NR2F1-AS1: variants seen among roughly 807,000 people sequenced by gnomAD.
NR2F1-AS1 encodes the protein NR2F1 regulatory antisense RNA 1, also known as NR2F1 antisense RNA 1.
rs115719551 is a variant in NR2F1-AS1, at chr5:93,444,485, G to C, written n.639-48943C>G. 2.1e-3 allele frequency among the ~76,000 whole-genome samples: 312 copies of C among 152,166 alleles called. 2 individuals carry two copies. The highest frequency in any genetic ancestry group is 7.1e-3 in the African/African-American group (294 of 41,538). ...TATATAATTGTAAAGGGATCAATTC[G>C]ACAAGAAGCGCTAACTATCCTAAAT... On this transcript the variant is annotated intron_variant and non_coding_transcript_variant, in intron 4 of 5. Coordinates refer to ENST00000660523, the Ensembl canonical transcript of NR2F1-AS1.
intron 4 of NR2F1-AS1, among the ~76,000 whole-genome samples, chr5:93,497,503 A>G (rs1393630805): frequency 6.6e-6 from 1 of 152,188 alleles, no homozygotes; most frequent in Non-Finnish European, 1.5e-5. Flanking sequence ...GGTAAATTCA[A>G]TTAGATGGAA....
At chr5:93,526,859 A>G (rs937730702) in intron 4 of NR2F1-AS1, among the ~76,000 whole-genome samples, 3 of 152,170 alleles carry the variant, frequency 2.0e-5, no homozygotes, top group African/African-American at 7.2e-5. Flanking sequence ...AAATAATAAG[A>G]GCTATTTATA....
intron 4 of NR2F1-AS1, among the ~76,000 whole-genome samples, chr5:93,412,506 G>A (rs1184822413): frequency 2.0e-5 from 3 of 152,188 alleles, no homozygotes; most frequent in Non-Finnish European, 4.4e-5. Context: ...TTCTATATTT[G>A]ACCACAAATG....
chr5:93,546,047 C>T (rs1029124836), intron 4 of NR2F1-AS1, among the ~76,000 whole-genome samples: 1 of 152,178 alleles, frequency 6.6e-6, no homozygotes, highest in Non-Finnish European at 1.5e-5. Flanking sequence ...GTTCCTGCTC[C>T]TTCACTTAGT....
At chr5:93,486,456 C>T (rs1004141893) in intron 4 of NR2F1-AS1, among the ~76,000 whole-genome samples, 4 of 152,010 alleles carry the variant, frequency 2.6e-5, no homozygotes, top group African/African-American at 9.7e-5. Flanking sequence ...TCAGAGAATA[C>T]TATAAACACC....
intron 4 of NR2F1-AS1, among the ~76,000 whole-genome samples, chr5:93,470,036 A>AT (rs1226111265): frequency 1.3e-5 from 2 of 152,090 alleles, no homozygotes; most frequent in African/African-American, 4.8e-5. Context: ...ATCTTCCAAA[A>AT]GCATTCATAT....
At chr5:93,544,851 CG>C (rs1432591779) in intron 4 of NR2F1-AS1, 1 of 137,664 alleles carries the variant, frequency 7.3e-6, no homozygotes, top group African/African-American at 2.7e-5. Flanking sequence ...ACCCGGGAGG[CG>C]GATGTTGCGC....
At chr5:93,577,646 G>C (rs1203274864) in intron 1 of NR2F1-AS1, among the ~76,000 whole-genome samples, 2 of 152,198 alleles carry the variant, frequency 1.3e-5, no homozygotes, top group African/African-American at 4.8e-5. Context: ...ATCTGTGTGA[G>C]ACCATTTTAA....
At chr5:93,430,861 T>TATC (rs138817898) in intron 4 of NR2F1-AS1, among the ~76,000 whole-genome samples, 4,901 of 149,610 alleles carry the variant, frequency 0.033, 109 homozygotes, top group South Asian at 0.058. Flanking sequence ...TCCCTTGCTT[T>TATC]ATCATCATCA....
intron 4 of NR2F1-AS1, among the ~76,000 whole-genome samples, chr5:93,537,731 G>A (rs1456241172): frequency 2.0e-5 from 3 of 152,148 alleles, no homozygotes; most frequent in Non-Finnish European, 4.4e-5. Flanking sequence ...TTATAAAAAA[G>A]AGTATGGTGG....
chr5:93,459,911 C>T (rs928868496), intron 4 of NR2F1-AS1, among the ~76,000 whole-genome samples: 15 of 152,224 alleles, frequency 9.9e-5, no homozygotes, highest in African/African-American at 3.6e-4. Context: ...CTATGAAGCT[C>T]CAGCTGATTC....
rs183455295 is a variant in NR2F1-AS1, at chr5:93,520,645, A to G, written n.638+33116T>C. Among the ~76,000 whole-genome samples the G allele has an allele frequency of 2.0e-5, 3 of 152,256 alleles. No homozygotes were observed. The East Asian group carries it at 5.8e-4, about 29-fold the overall frequency. ...GCCTGTTCTCAAGTAGATTTGTACCAGATATGGTAGAGACTCTAATGAATC... is the reference window on the plus strand; with the variant it reads ...GCCTGTTCTCAAGTAGATTTGTACCGGATATGGTAGAGACTCTAATGAATC... On this transcript the variant is annotated intron_variant and non_coding_transcript_variant, in intron 4 of 5. Transcript: ENST00000660523.
intron 4 of NR2F1-AS1, among the ~76,000 whole-genome samples, chr5:93,457,261 G>C (rs897514473): frequency 1.3e-5 from 2 of 152,134 alleles, no homozygotes; most frequent in Non-Finnish European, 1.5e-5. Context: ...GGCTTTCCTA[G>C]GCAGAGGTCC....
At chr5:93,566,079 A>C (rs1285860626) in intron 1 of NR2F1-AS1, among the ~76,000 whole-genome samples, 1 of 151,936 alleles carries the variant, frequency 6.6e-6, no homozygotes, top group African/African-American at 2.4e-5. Context: ...AATTTACCTA[A>C]AGTAAGCAAA....
At chr5:93,474,521 C>T (rs1750439261) in intron 4 of NR2F1-AS1, among the ~76,000 whole-genome samples, 1 of 152,176 alleles carries the variant, frequency 6.6e-6, no homozygotes, top group Non-Finnish European at 1.5e-5. Context: ...CTTCTTACAG[C>T]TCTGGAGGCT....
intron 4 of NR2F1-AS1, among the ~76,000 whole-genome samples, chr5:93,523,378 C>A (rs1751544287): frequency 1.3e-5 from 2 of 152,198 alleles, no homozygotes; most frequent in African/African-American, 4.8e-5. Context: ...ACTCACATCT[C>A]CCTGAGACAG....
intron 4 of NR2F1-AS1, among the ~76,000 whole-genome samples, chr5:93,538,491 T>A (rs560051631): frequency 1.3e-5 from 2 of 152,024 alleles, no homozygotes; most frequent in Non-Finnish European, 2.9e-5. Context: ...AATAATTAAA[T>A]AAATAAATAT....
chr5:93,489,801 G>T (rs1184087065), intron 4 of NR2F1-AS1, among the ~76,000 whole-genome samples: 1 of 152,148 alleles, frequency 6.6e-6, no homozygotes, highest in East Asian at 1.9e-4. Context: ...TTTAACCGCG[G>T]TAAGAGATCA....
chr5:93,450,941 A>G (rs966579597), intron 4 of NR2F1-AS1, among the ~76,000 whole-genome samples: 1 of 146,492 alleles, frequency 6.8e-6, no homozygotes, highest in East Asian at 2.0e-4. Context: ...AAAAAAAAAC[A>G]GAGAGAGAGA....
Sources: gnomAD v4.1 joint callset for allele counts (sites outside exome capture counted in the v4.1 genomes callset) on GRCh38, gnomAD v4.1.1 for gene constraint, MANE v1.5 for transcripts, NCBI Gene and HGNC (gene_info 2026-07-23, HGNC 2026-07-21) for gene names.